Variants in SZT2 observed in about 807,000 individuals in gnomAD.
The protein encoded by SZT2 is KICSTOR complex protein SZT2.
A neutral mutation model predicts 404.2 loss-of-function variants in SZT2; 216 were observed. The ratio of observed to expected loss-of-function variants is 0.53; its 90% CI spans 0.48 to 0.60. SZT2 has a LOEUF of 0.60. Ranked by LOEUF, SZT2 falls within the 20% of genes least tolerant of loss-of-function variation. The pLI is 0.00. For synonymous variants in SZT2, 1,693 were observed against 1,749.9 expected (o/e 0.97, Z 0.81); for missense variants, 3,857 against 4,459.2 (o/e 0.86, Z 3.85).
chr1:43,452,425 T>A lies in SZT2; in HGVS notation c.*1945T>A. The A allele has an allele frequency of 1.1e-6, 1 of 875,534 alleles. No homozygotes were observed. The highest frequency in any genetic ancestry group is 1.9e-6 in the Non-Finnish European group (1 of 529,598). 54.2% of individuals were successfully genotyped at this position (875,534 alleles called of 1,614,324 possible). Reference sequence around the variant, plus strand: ...CTCGTCCGTCTCCCCAGGTCTCCAGTCCATGGCACCTGGGTCACGATGCCC... The same window carrying A: ...CTCGTCCGTCTCCCCAGGTCTCCAGACCATGGCACCTGGGTCACGATGCCC... On this transcript the variant is annotated 3_prime_UTR_variant, in exon 72 of 72. Transcript: ENST00000634258.
In SZT2 at chr1:43,424,320, G is replaced by A; in HGVS notation, c.2359G>A (p.Ala787Thr). 6.3e-7 allele frequency: 1 copy of A among 1,598,072 alleles called. No individual in the cohort carries two copies. Among genetic ancestry groups the A allele is most frequent in the Non-Finnish European group, 8.5e-7 (1 of 1,179,600 alleles). The change falls in exon 16 of 72, where the codon GCG becomes ACG. Residue 787 changes from alanine (A) to threonine (T), a missense_variant. Physicochemically the swap from Ala to Thr is moderately conservative, Grantham distance 58. Coordinates refer to ENST00000634258, the MANE Select transcript of SZT2 (RefSeq NM_001365999.1). This position sits in a 1 kb window ranked among gnomAD's most constrained non-coding sequence, Gnocchi z 4.1. ...AGGCCGCTCAGCCTCTTCTAGCCTG[G>A]CGTCACTGTCCCGCTACCTCTACCA... ...VSGRSASSSL[A>T]SLSRYLYHQR...
chr1:43,431,141 A>G, intron 33 of SZT2, 51 bp downstream of exon 33: 1 of 1,595,894 alleles, frequency 6.3e-7, no homozygotes, highest in Non-Finnish European at 8.5e-7. Flanking sequence ...GGGTAGGGGG[A>G]CCACTAAGCG....
At chr1:43,446,584 T>C in intron 65 of SZT2, 168 bp downstream of exon 65, 1 of 788,452 alleles carries the variant, frequency 1.3e-6, no homozygotes, top group East Asian at 2.7e-5. Flanking sequence ...GTGCCATGAC[T>C]GCACTCACTA....
chr1:43,419,700 C>T (rs2153932050), intron 7 of SZT2, 34 bp from the exon 8 acceptor site: 5 of 1,555,480 alleles, frequency 3.2e-6, no homozygotes, highest in Non-Finnish European at 4.4e-6. Flanking sequence ...ATGCCTCTGT[C>T]AGAGCTAGGT....
chr1:43,452,034 G>A lies in SZT2; in HGVS notation c.*1554G>A, dbSNP rs373493449. On this transcript the variant is annotated 3_prime_UTR_variant, in exon 72 of 72. Transcript: ENST00000634258. ...TCCTCCTAGCAGCATGTCGGGTGCT[G>A]TGAATAGAGCTCCTTCCCAAGTTTG... The A allele has an allele frequency of 1.9e-6, 3 of 1,592,868 alleles. No individual in the cohort carries two copies. The highest frequency in any genetic ancestry group is 1.3e-5 in the African/African-American group (1 of 74,620).
intron 4 of SZT2, chr1:43,409,418 C>G (rs1650735871): frequency 2.9e-6 from 1 of 349,540 alleles, no homozygotes; most frequent in East Asian, 8.3e-5. Flanking sequence ...GAAGGTCTAC[C>G]TAGAATAGTC....
chr1:43,427,461 C>T lies in SZT2; in HGVS notation c.3598+16C>T, dbSNP rs370271398. 3.7e-5 allele frequency: 59 copies of T among 1,611,760 alleles called. No homozygotes were observed. The African/African-American group carries it at 7.5e-4, about 20-fold the overall frequency. ...CTGGCTAGTGGTAAGGCTGCCGACTCAAGGTGGGCAGGAGTGGGAGTGGGA... is the reference window on the plus strand; with the variant it reads ...CTGGCTAGTGGTAAGGCTGCCGACTTAAGGTGGGCAGGAGTGGGAGTGGGA... On this transcript the variant is annotated intron_variant, in intron 25 of 71. Transcript: ENST00000634258.
At chr1:43,429,336 C>T (rs1159133911) in intron 28 of SZT2, 2 of 207,622 alleles carry the variant, frequency 9.6e-6, no homozygotes, top group Non-Finnish European at 2.0e-5. Context: ...AGTTCAAGAC[C>T]AGCCTGAGCA....
Position 43,442,062 on chromosome 1 carries a change from C to G in SZT2, c.7805C>G (p.Pro2602Arg). ...SPGQLGPSPR[P>R]AAERHLLLLG... ...GGGCAACTGGGCCCCTCTCCCCGCC[C>G]TGCAGCTGAGCGGCATCTGCTGCTT... The change falls in exon 56 of 72, where the codon CCT becomes CGT. Residue 2602 changes from proline to arginine, a missense_variant. This residue lies in a region of SZT2 where 573 missense variants were observed against 592.4 expected (regional missense o/e 0.97). Transcript: ENST00000634258. The surrounding 1 kb of genome is among the most constrained non-coding windows in gnomAD (Gnocchi z 4.5). The G allele has an allele frequency of 6.2e-7, 1 of 1,614,150 alleles. No individual in the cohort carries two copies. The highest frequency in any genetic ancestry group is 8.5e-7 in the Non-Finnish European group (1 of 1,180,020).
rs1317543035 is a variant in SZT2 at position 43,448,860 on chromosome 1, C to A, written c.10086+132C>A. The A allele has an allele frequency of 5.0e-6, 4 of 801,020 alleles. No individual in the cohort carries two copies. Among genetic ancestry groups the A allele is most frequent in the Admixed American group, 2.0e-5 (1 of 49,282 alleles). 49.6% of individuals were successfully genotyped at this position (801,020 alleles called of 1,614,324 possible). A position where few individuals can be genotyped will look rare whatever the true frequency, so the allele number is the denominator to read the frequency against. ...TAGACAGAACGGGACTACACAGATA[C>A]ATGTAAAACCCTTCCAGTACCGGGC... is the stretch of plus-strand genomic sequence containing the variant. On this transcript the variant is annotated intron_variant, in intron 70 of 71. Coordinates refer to ENST00000634258, the MANE Select transcript of SZT2 (RefSeq NM_001365999.1). This position sits in a 1 kb window ranked among gnomAD's most constrained non-coding sequence, Gnocchi z 4.2.
At position 43,447,712 on chromosome 1, in the gene SZT2, G is replaced by A. The variant is rs376589986; in HGVS notation, c.9440+14G>A. 1.5e-5 allele frequency: 25 copies of A among 1,612,972 alleles called. No homozygotes were observed. In the African/African-American group the frequency reaches 2.5e-4, roughly 16 times the overall value. On this transcript the variant is annotated intron_variant, in intron 67 of 71. Coordinates refer to ENST00000634258, the MANE Select transcript of SZT2 (RefSeq NM_001365999.1). The stretch of plus-strand genomic sequence containing the variant: ...GGCATGGCACAGGTAAGGCTGAGAG[G>A]GGCATCCAGCATGCACGCTGCAGGA...
rs1489572320 is a variant in SZT2, at chr1:43,416,527, T to C, written c.773-8T>C. 6.3e-7 allele frequency: 1 copy of C among 1,597,436 alleles called. No individual in the cohort carries two copies. Among genetic ancestry groups the C allele is most frequent in the East Asian group, 2.2e-5 (1 of 44,866 alleles). The stretch of plus-strand genomic sequence containing the variant: ...TCTCCAGGTCTGATCTGGTGTTTCC[T>C]GCTCCAGGGATTATCGTGATCACGG... On this transcript the variant is annotated splice_polypyrimidine_tract_variant and splice_region_variant and intron_variant, in intron 6 of 71. Transcript: ENST00000634258.
chr1:43,450,536 T>C lies in SZT2; in HGVS notation c.*56T>C. Reference sequence around the variant, plus strand: ...TTCCTTGAATCATGGGCCTACCAGATTGCCTGCCAGAGGCAGGACTGACCA... The same window carrying C: ...TTCCTTGAATCATGGGCCTACCAGACTGCCTGCCAGAGGCAGGACTGACCA... On this transcript the variant is annotated 3_prime_UTR_variant, in exon 72 of 72. Transcript: ENST00000634258. This position sits in a 1 kb window ranked among gnomAD's most constrained non-coding sequence, Gnocchi z 4.3. 2.5e-6 allele frequency: 4 copies of C among 1,607,164 alleles called. No individual in the cohort carries two copies. The highest frequency in any genetic ancestry group is 3.4e-6 in the Non-Finnish European group (4 of 1,175,646).
At position 43,429,992 on chromosome 1, in the gene SZT2, C is replaced by T. The variant is rs1425159989; in HGVS notation, c.4309-19C>T. The T allele has an allele frequency of 1.9e-6, 3 of 1,613,962 alleles. No individual in the cohort carries two copies. The highest frequency in any genetic ancestry group is 2.5e-6 in the Non-Finnish European group (3 of 1,179,974). ...GAGGGGTGACTGACATTCTAACCTC[C>T]TTCTAAACCCCACAACAGGAGAAGT... is the stretch of plus-strand genomic sequence containing the variant. On this transcript the variant is annotated intron_variant, in intron 29 of 71. Coordinates refer to ENST00000634258, the MANE Select transcript of SZT2 (RefSeq NM_001365999.1).
chr1:43,403,394 A>T, intron 2 of SZT2, 92 bp downstream of exon 2: 1 of 1,521,876 alleles, frequency 6.6e-7, no homozygotes, highest in Non-Finnish European at 8.8e-7. Flanking sequence ...TGGGAGACTA[A>T]CTCTTAAGTC....
chr1:43,424,840 T>C lies in SZT2; in HGVS notation c.2528T>C (p.Met843Thr), dbSNP rs747523743. The C allele has an allele frequency of 5.3e-5, 85 of 1,613,980 alleles. No homozygotes were observed. Among genetic ancestry groups the C allele is most frequent in the Non-Finnish European group, 7.1e-5 (84 of 1,179,958 alleles). The part of the protein sequence containing the change: ...FACSGEGIIN[M>T]VLELPIQNEP... ...TGCAGTGGGGAAGGAATCATCAACA[T>C]GGTTCTGGAGCTTCCAATTCAGGTA... Residue 843 changes from methionine (M) to threonine (T), a missense_variant, in exon 17 of 72, where the codon ATG becomes ACG. By Grantham distance (81) the Met-to-Thr change is moderately conservative (BLOSUM62 -1). Coordinates refer to ENST00000634258, the MANE Select transcript of SZT2 (RefSeq NM_001365999.1). The surrounding 1 kb of genome is among the most constrained non-coding windows in gnomAD (Gnocchi z 4.1).
Position 43,452,041 on chromosome 1 carries a change from G to A in SZT2, c.*1561G>A. 1 of 1,587,270 alleles carries A rather than the reference G, an allele frequency of 6.3e-7. No individual in the cohort carries two copies. The highest frequency in any genetic ancestry group is 8.6e-7 in the Non-Finnish European group (1 of 1,163,104). ...AGCAGCATGTCGGGTGCTGTGAATA[G>A]AGCTCCTTCCCAAGTTTGTCCCCCA... is the stretch of plus-strand genomic sequence containing the variant. On this transcript the variant is annotated 3_prime_UTR_variant, in exon 72 of 72. Coordinates refer to ENST00000634258, the MANE Select transcript of SZT2 (RefSeq NM_001365999.1).
Position 43,425,929 on chromosome 1 carries a change from C to G in SZT2, c.2909C>G (p.Pro970Arg), listed in dbSNP as rs998492500. 1.5e-5 allele frequency: 24 copies of G among 1,613,990 alleles called. No individual in the cohort carries two copies. The African/African-American group carries it at 2.5e-4, about 17-fold the overall frequency. Residue 970 changes from proline to arginine, a missense_variant, in exon 20 of 72, where the codon CCA becomes CGA. Coordinates refer to ENST00000634258, the MANE Select transcript of SZT2 (RefSeq NM_001365999.1). This position sits in a 1 kb window ranked among gnomAD's most constrained non-coding sequence, Gnocchi z 4.3. ...CQSKEWGPLPPEPRVSDGLDQ... is the reference protein window; with the variant it reads ...CQSKEWGPLPREPRVSDGLDQ... ...AGCAAGGAATGGGGTCCTCTGCCCC[C>G]AGAGCCGAGGGTCTCTGATGGTGAG... is the stretch of plus-strand genomic sequence containing the variant.
Position 43,430,358 on chromosome 1 carries a change from G to A in SZT2, c.4449G>A (p.Glu1483=), listed in dbSNP as rs200179475. The A allele has an allele frequency of 6.2e-7, 1 of 1,610,000 alleles. No individual in the cohort carries two copies. Among genetic ancestry groups the A allele is most frequent in the East Asian group, 2.2e-5 (1 of 44,866 alleles). ...TAGACAGAAAAATCAGTGACCTGGA[G>A]TTTTCAGAGGCTGAGCTTATGGGAG... ...DTVDRKISDL[E]FSEAELMGEE... The change falls in exon 31 of 72, where the codon GAG becomes GAA. Residue 1483 remains glutamate (E), a synonymous_variant. Coordinates refer to ENST00000634258, the MANE Select transcript of SZT2 (RefSeq NM_001365999.1).
Sources: gnomAD v4.1 joint callset for allele counts on GRCh38, gnomAD v4.1.1 for gene constraint, gnomAD v4.1.1 regional missense constraint, Gnocchi (gnomAD v3.1) non-coding constraint, MANE v1.5 for transcripts, NCBI Gene and HGNC (gene_info 2026-07-23, HGNC 2026-07-21) for gene names.